The following SLC8A1 variants were observed in gnomAD, a reference collection of about 807,000 sequenced individuals.
SLC8A1 encodes the protein solute carrier family 8 member A1.
SLC8A1 carries 18 observed loss-of-function variants against 68.3 expected under a neutral mutation model. The ratio of observed to expected loss-of-function variants is 0.26; its 90% CI spans 0.18 to 0.39. The LOEUF is 0.39. Ranked by LOEUF, SLC8A1 falls within the 10% of genes least tolerant of loss-of-function variation. The pLI is 1.00. For synonymous variants in SLC8A1, 475 were observed against 415.5 expected (o/e 1.14, Z -1.74); for missense variants, 985 against 1,156.7 (o/e 0.85, Z 2.15).
rs530964533 is a variant in SLC8A1 at position 40,199,984 on chromosome 2, A to G, written c.1809-22129T>C. On this transcript the variant is annotated intron_variant, in intron 2 of 7. Coordinates refer to ENST00000406785, the Ensembl canonical transcript of SLC8A1. ...TGTTTTCATAACAAAGTCAGCTTAT[A>G]TTACTCTTCAAGAGATCACACTAAT... 8.0e-5 allele frequency among the ~76,000 whole-genome samples: 12 copies of G among 149,212 alleles called. No individual in the cohort carries two copies. The South Asian group carries it at 1.1e-3, about 13-fold the overall frequency.
intron 2 of SLC8A1, among the ~76,000 whole-genome samples, chr2:40,403,503 C>A (rs1383387542): frequency 6.6e-6 from 1 of 152,182 alleles, no homozygotes; most frequent in Non-Finnish European, 1.5e-5. Context: ...AATGGGAGAG[C>A]TTAGGTATTT....
intron 7 of SLC8A1, among the ~76,000 whole-genome samples, chr2:40,125,058 A>T (rs1341887023): frequency 2.6e-5 from 4 of 152,244 alleles, no homozygotes; most frequent in African/African-American, 4.8e-5. Context: ...TTTTCTATTT[A>T]CAAAGAGCAT....
intron 2 of SLC8A1, among the ~76,000 whole-genome samples, chr2:40,389,304 T>C (rs994862725): frequency 6.6e-6 from 1 of 152,046 alleles, no homozygotes; most frequent in Non-Finnish European, 1.5e-5. Flanking sequence ...TCACGGTAAG[T>C]GTCCTACATA....
At chr2:40,348,567 T>A (rs1438059393) in intron 2 of SLC8A1, among the ~76,000 whole-genome samples, 1 of 152,186 alleles carries the variant, frequency 6.6e-6, no homozygotes, top group African/African-American at 2.4e-5. Context: ...TATCAGCATA[T>A]GTTCCATCCC....
chr2:40,402,085 C>T (rs765603872), intron 2 of SLC8A1, among the ~76,000 whole-genome samples: 2 of 152,170 alleles, frequency 1.3e-5, no homozygotes, highest in East Asian at 1.9e-4. Flanking sequence ...TCACAGGACG[C>T]GATACAGGTC....
At chr2:40,392,306 A>C (rs1026007380) in intron 2 of SLC8A1, among the ~76,000 whole-genome samples, 10 of 152,096 alleles carry the variant, frequency 6.6e-5, no homozygotes, top group African/African-American at 2.2e-4. Flanking sequence ...CATCACATTT[A>C]AATAAGAGTA....
chr2:40,219,208 T>C (rs896251719), intron 2 of SLC8A1, among the ~76,000 whole-genome samples: 16 of 152,128 alleles, frequency 1.1e-4, no homozygotes, highest in African/African-American at 3.1e-4. Flanking sequence ...TGTGTGTTCA[T>C]AGAGGAGAAA....
At chr2:40,236,534 T>C (rs1430870453) in intron 2 of SLC8A1, among the ~76,000 whole-genome samples, 1 of 150,718 alleles carries the variant, frequency 6.6e-6, no homozygotes, top group African/African-American at 2.4e-5. Context: ...AGCACACTGA[T>C]GGGTCTTGAC....
At chr2:40,356,604 G>GA (rs35434132) in intron 2 of SLC8A1, among the ~76,000 whole-genome samples, 61,536 of 146,820 alleles carry the variant, frequency 0.42, 13,486 homozygotes, top group Non-Finnish European at 0.5. Flanking sequence ...AAGATACCAA[G>GA]AAAAAAAAAA....
chr2:40,325,114 A>G (rs1316435474), intron 2 of SLC8A1, among the ~76,000 whole-genome samples: 1 of 138,540 alleles, frequency 7.2e-6, no homozygotes, highest in Non-Finnish European at 1.6e-5. Context: ...GTCTGTAGAG[A>G]AAAAAAAAAA....
intron 4 of SLC8A1, 50 bp downstream of exon 7, chr2:40,170,231 A>G (rs746702743): frequency 1.3e-6 from 2 of 1,527,608 alleles, no homozygotes; most frequent in Non-Finnish European, 1.8e-6. Context: ...CTCTAACATT[A>G]AAGAACTCTG....
chr2:40,174,825 C>G (rs1334687455), exon 4 of SLC8A1: 2 of 1,609,164 alleles, frequency 1.2e-6, no homozygotes, highest in African/African-American at 1.3e-5. Flanking sequence ...AAATTCATAC[C>G]TGTTATTGTG....
intron 7 of SLC8A1, among the ~76,000 whole-genome samples, chr2:40,117,392 C>CAAAA (rs70957144): frequency 1.7e-5 from 1 of 58,744 alleles, no homozygotes; most frequent in Non-Finnish European, 3.1e-5. Flanking sequence ...ACTAAAAATA[C>CAAAA]AAAAAAAAAA....
intron 5 of SLC8A1, among the ~76,000 whole-genome samples, chr2:40,161,599 A>G (rs1396207253): frequency 6.6e-6 from 1 of 152,200 alleles, no homozygotes; most frequent in Non-Finnish European, 1.5e-5. Context: ...CTTGTTTTGT[A>G]CAATCAGTAC....
At chr2:40,354,437 T>G (rs1672068923) in intron 2 of SLC8A1, among the ~76,000 whole-genome samples, 1 of 152,166 alleles carries the variant, frequency 6.6e-6, no homozygotes, top group Non-Finnish European at 1.5e-5. Flanking sequence ...AAGAGGTCAA[T>G]GCTGCTTACA....
chr2:40,331,166 T>C (rs1288108787), intron 2 of SLC8A1, among the ~76,000 whole-genome samples: 1 of 152,210 alleles, frequency 6.6e-6, no homozygotes, highest in East Asian at 1.9e-4. Flanking sequence ...TAAGAATTTA[T>C]TGAGATAATT....
chr2:40,421,995 A>T (rs1322621795), intron 2 of SLC8A1, among the ~76,000 whole-genome samples: 1 of 152,164 alleles, frequency 6.6e-6, no homozygotes, highest in Non-Finnish European at 1.5e-5. Flanking sequence ...TTCCCACCAG[A>T]AATCCAGGGC....
chr2:40,511,033 C>A (rs1441490030), intron 1 of SLC8A1, among the ~76,000 whole-genome samples: 1 of 152,168 alleles, frequency 6.6e-6, no homozygotes, highest in African/African-American at 2.4e-5. Flanking sequence ...CAGAGAACAT[C>A]TCCTTGGTCA....
At chr2:40,469,587 C>T (rs1182836309) in intron 1 of SLC8A1, among the ~76,000 whole-genome samples, 1 of 150,174 alleles carries the variant, frequency 6.7e-6, no homozygotes, top group Non-Finnish European at 1.5e-5. Context: ...CTCCCTCATC[C>T]TTTTTATTTT....
Sources: gnomAD v4.1 joint callset for allele counts (sites outside exome capture counted in the v4.1 genomes callset) on GRCh38, gnomAD v4.1.1 for gene constraint, MANE v1.5 for transcripts, NCBI Gene and HGNC (gene_info 2026-07-23, HGNC 2026-07-21) for gene names.